Variants in CALD1 observed in about 807,000 individuals in gnomAD.
CALD1 encodes the protein caldesmon.
A neutral mutation model predicts 99.9 loss-of-function variants in CALD1; 33 were observed. That is an observed-to-expected ratio of 0.33 (90% confidence interval 0.25 to 0.44). The LOEUF is 0.44. CALD1 is among the 20% of genes least tolerant of loss of function. CALD1 has a pLI of 1.00. For missense variants in CALD1, 861 were observed against 962.1 expected (o/e 0.89, Z 1.39); for synonymous variants, 310 against 325.0 (o/e 0.95, Z 0.50).
chr7:134,905,037 G>C (rs1324547856), intron 3 of CALD1, among the ~76,000 whole-genome samples: 1 of 152,100 alleles, frequency 6.6e-6, no homozygotes, highest in African/African-American at 2.4e-5. Context: ...AATCAACAGG[G>C]AGGAACAAGG....
At chr7:134,735,563 CTCTGTGTGTGTGTGTG>C in the CALD1 span, among the ~76,000 whole-genome samples, 23,792 of 138,226 alleles carry the variant, frequency 0.17, 2,095 homozygotes, top group East Asian at 0.23. Flanking sequence ...CCCCACTACC[CTCTGTGTGTGTGTGTG>C]TGTGTGTGTG....
intron 14 of CALD1, among the ~76,000 whole-genome samples, chr7:134,967,539 G>A (rs1808767975): frequency 6.6e-6 from 1 of 152,120 alleles, no homozygotes; most frequent in African/African-American, 2.4e-5. Flanking sequence ...TGGGGTAGGG[G>A]TGTAAGAATA....
At chr7:134,886,943 T>C (rs1486525311) in intron 3 of CALD1, among the ~76,000 whole-genome samples, 1 of 152,210 alleles carries the variant, frequency 6.6e-6, no homozygotes. Context: ...TTGCTTGTAG[T>C]AAACATTCCA....
chr7:134,891,374 GCT>G, intron 3 of CALD1: 4 of 1,248,608 alleles, frequency 3.2e-6, no homozygotes, highest in Non-Finnish European at 4.0e-6. Flanking sequence ...ATAACAATCA[GCT>G]CTCTGATGAT....
the CALD1 span, among the ~76,000 whole-genome samples, chr7:134,731,740 C>A: frequency 4.3e-4 from 65 of 151,614 alleles, 2 homozygotes; most frequent in Non-Finnish European, 1.0e-4. Context: ...TCTCTGCTTT[C>A]TTGGTGAATT....
chr7:134,776,366 A>G (rs1796918853), upstream of CALD1, among the ~76,000 whole-genome samples: 1 of 152,150 alleles, frequency 6.6e-6, no homozygotes, highest in Non-Finnish European at 1.5e-5. Context: ...TCATTCACCT[A>G]TTGAGACGAT....
chr7:134,819,843 T>A (rs1798703769), intron 1 of CALD1, among the ~76,000 whole-genome samples: 1 of 152,058 alleles, frequency 6.6e-6, no homozygotes, highest in Admixed American at 6.5e-5. Flanking sequence ...GCCACTGCAC[T>A]CCATCCTAGG....
chr7:134,894,389 A>C (rs1277005251), intron 3 of CALD1, among the ~76,000 whole-genome samples: 3 of 152,220 alleles, frequency 2.0e-5, no homozygotes, highest in Non-Finnish European at 4.4e-5. Flanking sequence ...CAGCATCCAG[A>C]ACAGTGCTGA....
At chr7:134,764,694 AT>A (rs1796810202) in intron 1 of CALD1, among the ~76,000 whole-genome samples, 1 of 152,156 alleles carries the variant, frequency 6.6e-6, no homozygotes, top group Admixed American at 6.5e-5. Flanking sequence ...CACTTCTTGG[AT>A]TGTAAGTTGT....
At chr7:134,905,095 T>C (rs1037909333) in intron 3 of CALD1, among the ~76,000 whole-genome samples, 4 of 152,154 alleles carry the variant, frequency 2.6e-5, no homozygotes, top group African/African-American at 9.7e-5. Flanking sequence ...ATTCTGCGTT[T>C]CTCAGCCTTC....
chr7:134,712,836 T>C, the CALD1 span, among the ~76,000 whole-genome samples: 1 of 152,042 alleles, frequency 6.6e-6, no homozygotes, highest in Admixed American at 6.5e-5. Context: ...TCGAGTGGGG[T>C]TTACATAATA....
At chr7:134,919,032 A>G (rs1220295615) in intron 3 of CALD1, among the ~76,000 whole-genome samples, 2 of 152,188 alleles carry the variant, frequency 1.3e-5, no homozygotes, top group Non-Finnish European at 2.9e-5. Flanking sequence ...TAATAAAACA[A>G]AGTAGTCATG....
At chr7:134,714,954 A>G in the CALD1 span, among the ~76,000 whole-genome samples, 1 of 152,176 alleles carries the variant, frequency 6.6e-6, no homozygotes, top group Non-Finnish European at 1.5e-5. Context: ...AAGTCCTGCC[A>G]GTCTCCTACC....
At chr7:134,790,866 G>A (rs1797500953) in intron 1 of CALD1, among the ~76,000 whole-genome samples, 1 of 152,148 alleles carries the variant, frequency 6.6e-6, no homozygotes, top group African/African-American at 2.4e-5. Context: ...CTGTTTTGGT[G>A]TTTGATTATG....
intron 2 of CALD1, among the ~76,000 whole-genome samples, chr7:134,865,146 C>CCTGGGGA (rs893016585): frequency 6.6e-6 from 1 of 151,920 alleles, no homozygotes; most frequent in African/African-American, 2.4e-5. Flanking sequence ...GGGATTACTG[C>CCTGGGGA]CTGGGGACTG....
At chr7:134,854,978 C>G (rs561891317) in intron 2 of CALD1, among the ~76,000 whole-genome samples, 1 of 152,156 alleles carries the variant, frequency 6.6e-6, no homozygotes, top group Non-Finnish European at 1.5e-5. Context: ...TGTGCAGCAC[C>G]TCCCCCACTC....
intron 1 of CALD1, among the ~76,000 whole-genome samples, chr7:134,747,829 G>A (rs751625672): frequency 6.6e-6 from 1 of 152,244 alleles, no homozygotes; most frequent in East Asian, 1.9e-4. Flanking sequence ...CCACCATAGA[G>A]AGTCCCCACT....
chr7:134,853,898 T>A (rs1280294912), intron 2 of CALD1, among the ~76,000 whole-genome samples: 7 of 143,530 alleles, frequency 4.9e-5, no homozygotes, highest in African/African-American at 1.8e-4. Context: ...GTGTGTGATG[T>A]TCCCCTCCCT....
At chr7:134,758,504 GTGTGTGTGTGTGTGT>G (rs1562990157) in intron 1 of CALD1, among the ~76,000 whole-genome samples, 4 of 73,162 alleles carry the variant, frequency 5.5e-5, no homozygotes, top group South Asian at 3.8e-4. Flanking sequence ...CCATTGGGGT[GTGTGTGTGTGTGTGT>G]GTGTGTGTGT....
Sources: gnomAD v4.1 joint callset for allele counts (sites outside exome capture counted in the v4.1 genomes callset) on GRCh38, gnomAD v4.1.1 for gene constraint, MANE v1.5 for transcripts, NCBI Gene and HGNC (gene_info 2026-07-23, HGNC 2026-07-21) for gene names.